Variants in NPL observed in about 807,000 individuals in gnomAD.
The protein encoded by NPL is N-acetylneuraminate pyruvate lyase.
Under a neutral mutation model 41.1 loss-of-function variants are expected in NPL, and 32 were observed. The ratio of observed to expected loss-of-function variants is 0.78; its 90% confidence interval spans 0.59 to 1.05. The LOEUF (loss-of-function observed/expected upper bound fraction) is 1.05. Among genes scored for constraint, NPL ranks in the 50% least tolerant of loss-of-function variants. NPL has a pLI of 0.00. For missense variants in NPL, 321 were observed against 378.4 expected (o/e 0.85, Z 1.26); for synonymous variants, 128 against 134.9 (o/e 0.95, Z 0.35).
intron 4 of NPL, among the ~76,000 whole-genome samples, chr1:182,804,750 G>C (rs1322248584): frequency 6.6e-6 from 1 of 152,108 alleles, no homozygotes; most frequent in Non-Finnish European, 1.5e-5. Context: ...GAGGTACCTG[G>C]TAATAATAAT....
chr1:182,793,829 T>A (rs571549583), intron 2 of NPL, among the ~76,000 whole-genome samples: 19 of 152,212 alleles, frequency 1.2e-4, no homozygotes, highest in Non-Finnish European at 2.4e-4. Context: ...ATTACGTTGA[T>A]TTGAAGTGTG....
intron 6 of NPL, among the ~76,000 whole-genome samples, chr1:182,813,454 T>C (rs1401897974): frequency 6.6e-6 from 1 of 152,238 alleles, no homozygotes; most frequent in Non-Finnish European, 1.5e-5. Flanking sequence ...GAGACTTGAT[T>C]TATTCCTCTT....
intron 1 of NPL, among the ~76,000 whole-genome samples, chr1:182,790,237 A>G (rs1382612218): frequency 1.3e-5 from 2 of 152,146 alleles, no homozygotes; most frequent in Non-Finnish European, 2.9e-5. Flanking sequence ...CTCTGCCCAG[A>G]GGTACATTCT....
intron 7 of NPL, among the ~76,000 whole-genome samples, chr1:182,816,393 C>T (rs946199713): frequency 3.3e-5 from 5 of 151,538 alleles, no homozygotes; most frequent in East Asian, 3.8e-4. Flanking sequence ...TGGGGTAAGA[C>T]GACAAGAGTC....
chr1:182,805,086 T>A (rs1421780197), intron 4 of NPL, among the ~76,000 whole-genome samples: 2 of 152,198 alleles, frequency 1.3e-5, no homozygotes, highest in Non-Finnish European at 1.5e-5. Context: ...GCATGAGACC[T>A]CAGTAATGTA....
intron 3 of NPL, among the ~76,000 whole-genome samples, chr1:182,799,979 A>G (rs1666789345): frequency 6.6e-6 from 1 of 152,138 alleles, no homozygotes; most frequent in Non-Finnish European, 1.5e-5. Flanking sequence ...CTGTCAACTC[A>G]CTTCTGTGAG....
At chr1:182,805,224 G>A (rs565273675) in intron 4 of NPL, among the ~76,000 whole-genome samples, 23 of 152,288 alleles carry the variant, frequency 1.5e-4, no homozygotes, top group African/African-American at 5.5e-4. Context: ...GAGGTCAGGA[G>A]TTCAAGACCA....
intron 11 of NPL, among the ~76,000 whole-genome samples, chr1:182,824,293 A>G (rs1289128670): frequency 1.3e-5 from 2 of 152,250 alleles, no homozygotes; most frequent in Admixed American, 6.5e-5. Flanking sequence ...GCTATGTTAA[A>G]TGGAAAAAAG....
chr1:182,812,446 G>A lies in NPL; in HGVS notation c.288+233G>A, dbSNP rs1264300553. Among the ~76,000 whole-genome samples the A allele has an allele frequency of 2.6e-5, 4 of 152,182 alleles. No individual in the cohort carries two copies. The East Asian group carries it at 5.8e-4, about 22-fold the overall frequency. ...ATGGAAGCACCTTCCTCCAAGGAGAGTAAGGATGGATGCAGCTGTAGCTGA... is the reference window on the plus strand; with the variant it reads ...ATGGAAGCACCTTCCTCCAAGGAGAATAAGGATGGATGCAGCTGTAGCTGA... On this transcript the variant is annotated intron_variant, in intron 6 of 12. Transcript: ENST00000367553.
intron 2 of NPL, among the ~76,000 whole-genome samples, chr1:182,793,013 G>A (rs1023624871): frequency 6.6e-6 from 1 of 152,212 alleles, no homozygotes; most frequent in Non-Finnish European, 1.5e-5. Context: ...AGTAATGTCA[G>A]AACTATAGCA....
chr1:182,812,288 A>C (rs530819200), intron 6 of NPL, 75 bp downstream of exon 6: 2 of 1,286,842 alleles, frequency 1.6e-6, no homozygotes, highest in African/African-American at 1.5e-5. Flanking sequence ...AATCAGTACT[A>C]TATTTGCTAT....
chr1:182,798,483 C>T (rs1461706140), intron 3 of NPL, among the ~76,000 whole-genome samples: 1 of 152,182 alleles, frequency 6.6e-6, no homozygotes, highest in African/African-American at 2.4e-5. Context: ...CCGTCTCGGC[C>T]TCCCAAGGTG....
intron 3 of NPL, among the ~76,000 whole-genome samples, chr1:182,800,725 CTT>C (rs56908108): frequency 5.8e-4 from 59 of 101,724 alleles, no homozygotes; most frequent in African/African-American, 2.1e-3. Context: ...GTAGCCCTGG[CTT>C]TTTTTTTTTT....
chr1:182,818,926 C>T, intron 10 of NPL, 67 bp downstream of exon 10: 1 of 1,323,980 alleles, frequency 7.6e-7, no homozygotes, highest in Non-Finnish European at 1.1e-6. Flanking sequence ...ACCAAAGTAG[C>T]TGTATTTCTT....
At chr1:182,811,952 A>C (rs1223525842) in intron 5 of NPL, among the ~76,000 whole-genome samples, 1 of 152,210 alleles carries the variant, frequency 6.6e-6, no homozygotes, top group Non-Finnish European at 1.5e-5. Context: ...TCTCAGTAAC[A>C]TGACAAGACT....
intron 3 of NPL, among the ~76,000 whole-genome samples, chr1:182,801,143 T>C (rs1666835945): frequency 6.6e-6 from 1 of 152,186 alleles, no homozygotes; most frequent in African/African-American, 2.4e-5. Context: ...AACCTAGATC[T>C]CTCTAAAGAG....
chr1:182,812,010 G>A (rs1019129159), intron 5 of NPL, 146 bp from the exon 6 acceptor site: 11 of 741,980 alleles, frequency 1.5e-5, no homozygotes, highest in African/African-American at 1.2e-4. Flanking sequence ...GCCCCTTTAA[G>A]TAGATTAAAT....
chr1:182,816,885 T>A (rs1667349375), intron 8 of NPL, 79 bp downstream of exon 8: 1 of 1,105,758 alleles, frequency 9.0e-7, no homozygotes, highest in African/African-American at 1.5e-5. Flanking sequence ...CTCCACTCCA[T>A]CCCACCCTAC....
chr1:182,822,235 T>C (rs775659078), intron 11 of NPL, 36 bp downstream of exon 11: 1 of 1,387,908 alleles, frequency 7.2e-7, no homozygotes, highest in South Asian at 1.2e-5. Flanking sequence ...AATCACAGCC[T>C]TTTTTCTTCC....
Sources: gnomAD v4.1 joint callset for allele counts (sites outside exome capture counted in the v4.1 genomes callset) on GRCh38, gnomAD v4.1.1 for gene constraint, MANE v1.5 for transcripts, NCBI Gene and HGNC (gene_info 2026-07-23, HGNC 2026-07-21) for gene names.